The following GFRA2 variants were observed in gnomAD, a reference collection of about 807,000 sequenced individuals.
The protein encoded by GFRA2 is GDNF family receptor alpha-2.
Under a neutral mutation model 48.3 loss-of-function variants are expected in GFRA2, and 17 were observed. The ratio of observed to expected loss-of-function variants is 0.35; its 90% CI spans 0.24 to 0.53. The LOEUF (loss-of-function observed/expected upper bound fraction) is 0.53. Ranked by LOEUF, GFRA2 falls within the 20% of genes least tolerant of loss-of-function variation. The probability of loss-of-function intolerance (pLI) is 0.93; values close to 1 mark genes in which losing one functional copy is unlikely to be tolerated. For missense variants in GFRA2, 660 were observed against 637.3 expected, an observed-to-expected ratio of 1.04 and a Z score of -0.38; for synonymous variants, 305 against 257.2, an observed-to-expected ratio of 1.19 and a Z score of -1.78.
At chr8:21,799,826 C>A (rs1002188905) in intron 2 of GFRA2, among the ~76,000 whole-genome samples, 3 of 152,172 alleles carry the variant, frequency 2.0e-5, no homozygotes, top group Non-Finnish European at 2.9e-5. Flanking sequence ...AGGGCTCCCC[C>A]AACAAGAAGC....
At chr8:21,720,196 G>A (rs1195839114) in intron 4 of GFRA2, among the ~76,000 whole-genome samples, 1 of 152,202 alleles carries the variant, frequency 6.6e-6, no homozygotes, top group Admixed American at 6.5e-5. Flanking sequence ...AGAGATGAAT[G>A]CTTGGCCTAA....
chr8:21,797,593 C>T (rs888555658), intron 2 of GFRA2: 4 of 152,316 alleles, frequency 2.6e-5, no homozygotes, highest in South Asian at 4.1e-4. Flanking sequence ...AAGATACCCT[C>T]AGGCCAAGGT....
chr8:21,787,729 CCT>C (rs1243140624), intron 1 of GFRA2, among the ~76,000 whole-genome samples: 1 of 152,204 alleles, frequency 6.6e-6, no homozygotes, highest in Non-Finnish European at 1.5e-5. Context: ...CGCCTAGGAG[CCT>C]CTCTCTCCCT....
intron 1 of GFRA2, among the ~76,000 whole-genome samples, chr8:21,811,527 G>A (rs984107746): frequency 7.9e-5 from 12 of 152,064 alleles, no homozygotes; most frequent in African/African-American, 2.4e-4. Flanking sequence ...GGTGCCTCCC[G>A]GGTCCTCCAT....
At chr8:21,738,637 T>C (rs1209627070) in intron 4 of GFRA2, among the ~76,000 whole-genome samples, 1 of 152,028 alleles carries the variant, frequency 6.6e-6, no homozygotes, top group Admixed American at 6.6e-5. Context: ...TCCTCTGGGG[T>C]ACCTCTAGTT....
chr8:21,769,543 C>T (rs904421656), intron 3 of GFRA2, among the ~76,000 whole-genome samples: 3 of 152,162 alleles, frequency 2.0e-5, no homozygotes, highest in Middle Eastern at 3.2e-3. Flanking sequence ...GTCTAGTGAC[C>T]CTGAGCTCCC....
chr8:21,790,179 G>A (rs1011964186), upstream of GFRA2: 120 of 800,080 alleles, frequency 1.5e-4, no homozygotes, highest in Non-Finnish European at 1.7e-4. Context: ...ACGTTCCGGC[G>A]AGAGCGGGAG....
intron 3 of GFRA2, among the ~76,000 whole-genome samples, chr8:21,756,644 A>G (rs10091918): frequency 0.19 from 29,164 of 152,152 alleles, 4,679 homozygotes; most frequent in African/African-American, 0.44. Context: ...TGGGAAGAAG[A>G]AGGTGGGGGA....
intron 4 of GFRA2, among the ~76,000 whole-genome samples, chr8:21,709,314 C>A (rs1365621344): frequency 2.0e-5 from 3 of 152,228 alleles, no homozygotes; most frequent in African/African-American, 7.2e-5. Flanking sequence ...ACACACATAG[C>A]CTGGACCAGG....
intron 4 of GFRA2, among the ~76,000 whole-genome samples, chr8:21,740,167 C>A (rs1804680608): frequency 6.6e-6 from 1 of 152,200 alleles, no homozygotes; most frequent in Non-Finnish European, 1.5e-5. Flanking sequence ...GGCTCCTCTG[C>A]AATGGCAGGG....
intron 1 of GFRA2, among the ~76,000 whole-genome samples, chr8:21,787,655 C>A (rs1394476577): frequency 6.6e-6 from 1 of 152,210 alleles, no homozygotes. Context: ...AACCCGCGCC[C>A]TCCACCACGA....
intron 4 of GFRA2, chr8:21,706,453 C>T (rs967211629): frequency 1.5e-5 from 7 of 459,656 alleles, no homozygotes; most frequent in South Asian, 3.1e-5. Flanking sequence ...TCCTTCAACC[C>T]GGCACTGCAA....
intron 4 of GFRA2, among the ~76,000 whole-genome samples, chr8:21,732,039 C>T (rs1804221651): frequency 6.6e-6 from 1 of 152,244 alleles, no homozygotes; most frequent in African/African-American, 2.4e-5. Context: ...TATTTATGGG[C>T]CCTGAGTCGG....
At chr8:21,810,861 A>C (rs924468517) in intron 1 of GFRA2, among the ~76,000 whole-genome samples, 5 of 152,180 alleles carry the variant, frequency 3.3e-5, no homozygotes, top group African/African-American at 1.2e-4. Context: ...CCAGCAACCA[A>C]GCAACCCCCA....
At chr8:21,783,006 C>G in intron 1 of GFRA2, 107 bp from the exon 2 acceptor site, 1 of 1,071,626 alleles carries the variant, frequency 9.3e-7, no homozygotes. Context: ...ACACCCATTT[C>G]GCCAAAGCAC....
At chr8:21,699,627 C>G (rs984497343) in intron 7 of GFRA2, among the ~76,000 whole-genome samples, 20 of 152,160 alleles carry the variant, frequency 1.3e-4, no homozygotes, top group Non-Finnish European at 2.6e-4. Flanking sequence ...TGGTCCAGGC[C>G]CCATCATAAG....
intron 2 of GFRA2, among the ~76,000 whole-genome samples, chr8:21,781,604 C>G (rs1563264252): frequency 6.6e-6 from 1 of 152,132 alleles, no homozygotes; most frequent in Non-Finnish European, 1.5e-5. Flanking sequence ...TGTGTCTTCC[C>G]TCTCACAGCA....
chr8:21,763,775 C>G (rs1437024742), intron 3 of GFRA2, among the ~76,000 whole-genome samples: 10 of 151,826 alleles, frequency 6.6e-5, no homozygotes, highest in Non-Finnish European at 1.5e-4. Context: ...GTCCCCCTAC[C>G]CTGTCCTCAA....
intron 3 of GFRA2, among the ~76,000 whole-genome samples, chr8:21,770,798 C>T (rs1806400967): frequency 6.6e-6 from 1 of 152,170 alleles, no homozygotes; most frequent in East Asian, 1.9e-4. Flanking sequence ...TGATGTCCAC[C>T]CACTTCTCTC....
Sources: gnomAD v4.1 joint callset for allele counts (sites outside exome capture counted in the v4.1 genomes callset) on GRCh38, gnomAD v4.1.1 for gene constraint, MANE v1.5 for transcripts, NCBI Gene and HGNC (gene_info 2026-07-23, HGNC 2026-07-21) for gene names.